The following EBF1 variants were observed in gnomAD, a reference collection of about 807,000 sequenced individuals.
EBF1 encodes the protein EBF transcription factor 1, also known as transcription factor COE1.
Under a neutral mutation model 68.4 loss-of-function variants are expected in EBF1, and 10 were observed. That is an observed-to-expected ratio of 0.15 (90% CI 0.09 to 0.25). The LOEUF (loss-of-function observed/expected upper bound fraction) is 0.25. Ranked by LOEUF, EBF1 falls within the 10% of genes least tolerant of loss-of-function variation. The pLI, the probability that EBF1 is intolerant of heterozygous loss-of-function variation, is 1.00. For synonymous variants in EBF1, 298 were observed against 299.8 expected (o/e 0.99, Z 0.06); for missense variants, 509 against 794.4 (o/e 0.64, Z 4.32).
At chr5:158,967,222 T>C (rs1321416109) in intron 6 of EBF1, among the ~76,000 whole-genome samples, 3 of 152,208 alleles carry the variant, frequency 2.0e-5, no homozygotes, top group East Asian at 1.9e-4. Context: ...GCAGGAGAGA[T>C]ACAAATCCCC....
chr5:159,090,527 T>C (rs1007526530), intron 4 of EBF1, among the ~76,000 whole-genome samples: 3 of 152,130 alleles, frequency 2.0e-5, no homozygotes, highest in Non-Finnish European at 4.4e-5. Flanking sequence ...ATTAGGAAAG[T>C]TGCGAAGGAA....
At chr5:158,943,938 A>G (rs1412549898) in intron 6 of EBF1, among the ~76,000 whole-genome samples, 1 of 152,188 alleles carries the variant, frequency 6.6e-6, no homozygotes, top group East Asian at 1.9e-4. Context: ...GGAAAGCTTT[A>G]TCATCACACT....
chr5:158,884,496 G>A (rs1799613259), intron 6 of EBF1, among the ~76,000 whole-genome samples: 2 of 152,114 alleles, frequency 1.3e-5, no homozygotes, highest in South Asian at 4.1e-4. Flanking sequence ...CATGCTCACT[G>A]CTGAAGACAT....
intron 6 of EBF1, among the ~76,000 whole-genome samples, chr5:158,912,523 T>G (rs1806224030): frequency 6.6e-6 from 1 of 152,290 alleles, no homozygotes; most frequent in East Asian, 1.9e-4. Flanking sequence ...ATACAGATTC[T>G]CAAGCCTCAC....
intron 6 of EBF1, among the ~76,000 whole-genome samples, chr5:158,869,268 C>A (rs1293511606): frequency 6.6e-6 from 1 of 152,134 alleles, no homozygotes; most frequent in Non-Finnish European, 1.5e-5. Context: ...GAGGGCTTCA[C>A]AAGGCGCAGT....
intron 10 of EBF1, among the ~76,000 whole-genome samples, chr5:158,739,133 G>A (rs1353907875): frequency 6.6e-6 from 1 of 152,210 alleles, no homozygotes; most frequent in Non-Finnish European, 1.5e-5. Context: ...GAGAGAAAGA[G>A]ACACAAATGC....
chr5:158,850,261 A>G (rs1177285300), intron 6 of EBF1, among the ~76,000 whole-genome samples: 1 of 152,186 alleles, frequency 6.6e-6, no homozygotes, highest in Non-Finnish European at 1.5e-5. Flanking sequence ...TAAAACTCTT[A>G]ATGATTTACT....
chr5:158,897,836 T>A (rs763301459), intron 6 of EBF1, among the ~76,000 whole-genome samples: 1 of 152,210 alleles, frequency 6.6e-6, no homozygotes, highest in South Asian at 2.1e-4. Context: ...TGGAGAATTA[T>A]GTCTTGTCTC....
At chr5:159,008,760 C>A (rs1182271765) in intron 6 of EBF1, among the ~76,000 whole-genome samples, 1 of 152,146 alleles carries the variant, frequency 6.6e-6, no homozygotes, top group Non-Finnish European at 1.5e-5. Flanking sequence ...TGGTCTCAAA[C>A]TCCTGACCTG....
Position 158,712,168 on chromosome 5 carries a change from T to C in EBF1, c.1535A>G (p.Asn512Ser). 1.9e-6 allele frequency: 3 copies of C among 1,613,550 alleles called. No homozygotes were observed. The highest frequency in any genetic ancestry group is 1.7e-6 in the Non-Finnish European group (2 of 1,179,844). ...TCTCTACTTACTGGCATAGGGGGAGTTGGCAGCTGAGCCGTTGAGGAAGGT... is the reference window on the plus strand; with the variant it reads ...TCTCTACTTACTGGCATAGGGGGAGCTGGCAGCTGAGCCGTTGAGGAAGGT... ...SPTFLNGSAA[N>S]SPYAIVPSSP... Residue 512 changes from asparagine (N) to serine (S), a missense_variant, in exon 14 of 16, where the codon AAC (asparagine) becomes AGC (serine). Asn to Ser is a conservative substitution (Grantham distance 46, BLOSUM62 1). Around this residue, in one of 3 missense-constraint regions of EBF1, gnomAD observed 205 missense variants for 247.4 expected, o/e 0.83. Transcript: ENST00000313708.
chr5:158,915,463 G>C (rs370835132), intron 6 of EBF1, among the ~76,000 whole-genome samples: 1 of 152,352 alleles, frequency 6.6e-6, no homozygotes, highest in African/African-American at 2.4e-5. Flanking sequence ...AGTAGGACAT[G>C]GCCACAGCAG....
intron 9 of EBF1, among the ~76,000 whole-genome samples, chr5:158,791,875 C>G (rs1014531028): frequency 1.3e-5 from 2 of 152,114 alleles, no homozygotes; most frequent in African/African-American, 4.8e-5. Context: ...TCCCACAAAG[C>G]CCAACTTTAA....
intron 15 of EBF1, among the ~76,000 whole-genome samples, chr5:158,704,376 G>C (rs1757411277): frequency 6.6e-6 from 1 of 152,216 alleles, no homozygotes. Context: ...ACAGTTAACA[G>C]AGTGGTAGTT....
At chr5:158,847,735 A>C (rs1791808453) in intron 6 of EBF1, among the ~76,000 whole-genome samples, 1 of 152,234 alleles carries the variant, frequency 6.6e-6, no homozygotes, top group Admixed American at 6.5e-5. Flanking sequence ...TCACAAAACC[A>C]AGTGTCCGTC....
intron 6 of EBF1, among the ~76,000 whole-genome samples, chr5:158,998,530 G>A (rs909125824): frequency 8.5e-5 from 13 of 152,156 alleles, no homozygotes; most frequent in Admixed American, 3.9e-4. Context: ...GATACATAAC[G>A]TTGAATAAGC....
intron 7 of EBF1, among the ~76,000 whole-genome samples, chr5:158,823,816 C>A (rs938969929): frequency 1.3e-4 from 20 of 152,036 alleles, no homozygotes; most frequent in African/African-American, 4.6e-4. Flanking sequence ...TTTGAGATTT[C>A]TTGTACGTTT....
At chr5:158,860,297 A>G (rs1033832339) in intron 6 of EBF1, among the ~76,000 whole-genome samples, 1 of 152,196 alleles carries the variant, frequency 6.6e-6, no homozygotes, top group Non-Finnish European at 1.5e-5. Context: ...TGAGATCACA[A>G]ATCTAGTACT....
intron 6 of EBF1, among the ~76,000 whole-genome samples, chr5:159,063,849 CTAGG>C (rs1345850030): frequency 2.6e-5 from 4 of 152,170 alleles, no homozygotes; most frequent in Non-Finnish European, 5.9e-5. Context: ...AAGCCCAGTG[CTAGG>C]TGTTTCAATC....
intron 6 of EBF1, among the ~76,000 whole-genome samples, chr5:159,069,438 A>G (rs944302172): frequency 4.6e-5 from 7 of 152,158 alleles, no homozygotes; most frequent in African/African-American, 1.7e-4. Flanking sequence ...AGAAGCCTCC[A>G]GCATACTTTG....
Sources: gnomAD v4.1 joint callset for allele counts (sites outside exome capture counted in the v4.1 genomes callset) on GRCh38, gnomAD v4.1.1 for gene constraint, gnomAD v4.1.1 regional missense constraint, MANE v1.5 for transcripts, NCBI Gene and HGNC (gene_info 2026-07-23, HGNC 2026-07-21) for gene names.